SRR: variants seen among roughly 807,000 people sequenced by gnomAD.
The protein encoded by SRR is serine racemase.
In SRR, 19 loss-of-function variants were observed where a neutral mutation model predicts 32.7. The ratio of observed to expected loss-of-function variants is 0.58; its 90% CI spans 0.40 to 0.85. The LOEUF is 0.85. SRR is among the 40% of genes least tolerant of loss of function. The pLI is 0.00. For synonymous variants in SRR, 142 were observed against 140.9 expected (o/e 1.01, Z -0.06); for missense variants, 373 against 404.7 (o/e 0.92, Z 0.67).
intron 1 of SRR, chr17:2,310,021 A>C (rs1213960067): frequency 6.6e-6 from 1 of 152,160 alleles, no homozygotes; most frequent in Non-Finnish European, 1.5e-5. Context: ...GAAGCTGTCA[A>C]ATCTCTGGTT....
At chr17:2,303,893 G>C (rs931842855), upstream of SRR, 4 of 527,024 alleles carry the variant, frequency 7.6e-6, no homozygotes, top group Admixed American at 8.8e-5. Flanking sequence ...GCCCGCCGCC[G>C]GTTCCAGAGG....
intron 1 of SRR, among the ~76,000 whole-genome samples, chr17:2,306,043 C>T (rs924221758): frequency 6.4e-5 from 9 of 141,396 alleles, no homozygotes; most frequent in Middle Eastern, 7.1e-3. Context: ...GTTGGCCGGG[C>T]GCGGTGGCTC....
At chr17:2,323,634 T>A in intron 7 of SRR, 21 bp from the exon 8 acceptor site, 8 of 1,611,942 alleles carry the variant, frequency 5.0e-6, no homozygotes, top group Non-Finnish European at 6.8e-6. Context: ...CACTAATTCC[T>A]ACTCCCTTCC....
intron 1 of SRR, 85 bp from the exon 2 acceptor site, chr17:2,315,472 A>T: frequency 7.5e-7 from 1 of 1,336,886 alleles, no homozygotes; most frequent in Non-Finnish European, 1.0e-6. Flanking sequence ...CCCCAGGTCT[A>T]TTCTGTTACG....
rs369696144 is a variant in SRR at position 2,315,669 on chromosome 17, C to G, written c.109C>G (p.Leu37Val). ...GCTAACAAGCTCCATTTTGAATCAA[C>G]TAACAGGGCGCAATCTTTTCTTCAA... ...PVLTSSILNQ[L>V]TGRNLFFKCE... is the part of the protein sequence containing the mutation. The change falls in exon 2 of 8, where the codon CTA becomes GTA. Residue 37 changes from leucine (L) to valine (V), a missense_variant. Transcript: ENST00000344595. 6.8e-5 allele frequency: 109 copies of G among 1,613,992 alleles called. No homozygotes were observed. Among genetic ancestry groups the G allele is most frequent in the Non-Finnish European group, 8.7e-5 (103 of 1,180,038 alleles).
intron 1 of SRR, among the ~76,000 whole-genome samples, chr17:2,312,903 T>C (rs973427248): frequency 6.6e-6 from 1 of 152,170 alleles, no homozygotes; most frequent in Admixed American, 6.6e-5. Flanking sequence ...CAAATGTTCA[T>C]TTGAGCTATG....
rs368815579 is a variant in SRR, at chr17:2,323,663, C to A, written c.813C>A (p.Thr271=). 3.1e-6 allele frequency: 5 copies of A among 1,613,948 alleles called. No homozygotes were observed. In the African/African-American group the frequency reaches 5.3e-5, roughly 17 times the overall value. ...CCCTTCCATATCAACAGTGTGCAAC[C>A]CAGCTGGTGTGGGAGAGGATGAAAC... ...TVTEDEIKCA[T]QLVWERMKLL... Residue 271 remains threonine (T), a synonymous_variant, in exon 8 of 8, where the codon ACC becomes ACA. Coordinates refer to ENST00000344595, the MANE Select transcript of SRR (RefSeq NM_021947.3).
At chr17:2,319,497 T>C (rs996316063) in intron 4 of SRR, among the ~76,000 whole-genome samples, 6 of 151,932 alleles carry the variant, frequency 3.9e-5, no homozygotes, top group African/African-American at 1.5e-4. Context: ...CCCAGGCTGG[T>C]CTCAAACTCC....
chr17:2,310,940 GT>G (rs2075429332), intron 1 of SRR, among the ~76,000 whole-genome samples: 1 of 151,960 alleles, frequency 6.6e-6, no homozygotes, highest in African/African-American at 2.4e-5. Flanking sequence ...TAGAGACAGG[GT>G]TTCACCATGT....
intron 6 of SRR, chr17:2,322,855 C>T (rs530430192): frequency 1.8e-4 from 69 of 390,804 alleles, no homozygotes; most frequent in African/African-American, 1.3e-3. Context: ...ACCTACCCCT[C>T]CCAAGTTCAA....
intron 6 of SRR, among the ~76,000 whole-genome samples, chr17:2,322,076 C>A (rs992532396): frequency 1.3e-5 from 2 of 152,144 alleles, no homozygotes; most frequent in South Asian, 4.1e-4. Flanking sequence ...CCACTGCGCC[C>A]GGCCTATTTA....
intron 1 of SRR, among the ~76,000 whole-genome samples, chr17:2,308,338 T>C (rs147362309): frequency 2.7e-4 from 41 of 152,174 alleles, no homozygotes; most frequent in African/African-American, 8.9e-4. Flanking sequence ...GTACTTTAAA[T>C]AGATTGAAAA....
chr17:2,319,858 G>A (rs546177818), intron 4 of SRR, among the ~76,000 whole-genome samples: 3 of 137,106 alleles, frequency 2.2e-5, no homozygotes, highest in East Asian at 2.1e-4. Context: ...TTGCTCTGTC[G>A]CCCAAGCTGG....
At chr17:2,320,709 G>A (rs367957465) in intron 4 of SRR, among the ~76,000 whole-genome samples, 11 of 152,034 alleles carry the variant, frequency 7.2e-5, no homozygotes, top group African/African-American at 2.4e-4. Context: ...TTACAGGCGC[G>A]TGCCACCACA....
At chr17:2,323,473 C>A in intron 7 of SRR, 128 bp downstream of exon 7, 1 of 1,195,216 alleles carries the variant, frequency 8.4e-7, no homozygotes. Context: ...GGGAGGGTAC[C>A]CTAGATGTAT....
chr17:2,303,554 G>T, upstream of SRR: 1 of 1,346,708 alleles, frequency 7.4e-7, no homozygotes, highest in South Asian at 1.8e-5. Flanking sequence ...GCCGAGGGCC[G>T]AGCGGGGAGG....
chr17:2,319,949 G>A (rs970494780), intron 4 of SRR, among the ~76,000 whole-genome samples: 1 of 151,318 alleles, frequency 6.6e-6, no homozygotes, highest in Non-Finnish European at 1.5e-5. Context: ...CTCCCGAGTA[G>A]CTGGGACTAC....
rs752473301 is a variant in SRR, at chr17:2,323,434, G to A, written c.804+89G>A. The A allele has an allele frequency of 1.8e-4, 264 of 1,473,690 alleles. No individual in the cohort carries two copies. The African/African-American group carries it at 2.3e-3, about 13-fold the overall frequency. 91.3% of individuals were successfully genotyped at this position (1,473,690 alleles called of 1,614,324 possible). ...CCCTTAGGAGTAGCAAGTGACCCAC[G>A]GGAACCTGACTAGGTAACTTCATGA... is the stretch of plus-strand genomic sequence containing the variant. On this transcript the variant is annotated intron_variant, in intron 7 of 7. Coordinates refer to ENST00000344595, the MANE Select transcript of SRR (RefSeq NM_021947.3).
chr17:2,303,509 C>A, upstream of SRR: 2 of 1,329,228 alleles, frequency 1.5e-6, no homozygotes, highest in Non-Finnish European at 1.9e-6. Flanking sequence ...GCGGCCCCAG[C>A]GCCTACTGCT....
Sources: gnomAD v4.1 joint callset for allele counts (sites outside exome capture counted in the v4.1 genomes callset) on GRCh38, gnomAD v4.1.1 for gene constraint, MANE v1.5 for transcripts, NCBI Gene and HGNC (gene_info 2026-07-23, HGNC 2026-07-21) for gene names.